The following NSD1 variants were observed in gnomAD, a reference collection of about 807,000 sequenced individuals.
NSD1 encodes the protein nuclear receptor binding SET domain protein 1.
In NSD1, 26 loss-of-function variants were observed where a neutral mutation model predicts 242.7. The ratio of observed to expected loss-of-function variants is 0.11; its 90% confidence interval spans 0.08 to 0.15. The LOEUF (loss-of-function observed/expected upper bound fraction) is 0.15, where lower values mean the gene tolerates loss of function less well. Among genes scored for constraint, NSD1 ranks in the 10% least tolerant of loss-of-function variants. The pLI is 1.00. For missense variants in NSD1, 2,495 were observed against 3,272.8 expected, an observed-to-expected ratio of 0.76 and a Z score of 5.80; for synonymous variants, 1,106 against 1,178.1, an observed-to-expected ratio of 0.94 and a Z score of 1.25.
chr5:177,281,271 G>A (rs1484022277), intron 18 of NSD1, among the ~76,000 whole-genome samples: 1 of 151,634 alleles, frequency 6.6e-6, no homozygotes, highest in Non-Finnish European at 1.5e-5. Context: ...ATGCAGTCAT[G>A]TCTTCAACTT....
chr5:177,166,112 A>G (rs1281022169), intron 2 of NSD1, among the ~76,000 whole-genome samples: 1 of 149,792 alleles, frequency 6.7e-6, no homozygotes. Context: ...ATGGGGTTTC[A>G]CCATATTGGC....
In NSD1 at chr5:177,294,395, C is replaced by T; in HGVS notation, c.7027C>T (p.Pro2343Ser). Residue 2343 changes from proline (P) to serine (S), a missense_variant, in exon 23 of 23, where the codon CCC (proline) becomes TCC (serine). Physicochemically the swap from Pro to Ser is moderately conservative, Grantham distance 74. Transcript: ENST00000439151. Reference protein sequence around the residue: ...PSPVTSPSSSPSVRSQPLERP... With the variant: ...PSPVTSPSSSSSVRSQPLERP... ...TCCAGTGACCAGCCCAAGCTCCTCA[C>T]CCTCAGTCAGGTCCCAACCACTGGA... 1 of 1,614,226 alleles carries T rather than the reference C, an allele frequency of 6.2e-7. No homozygotes were observed. Among genetic ancestry groups the T allele is most frequent in the Non-Finnish European group, 8.5e-7 (1 of 1,180,038 alleles).
At chr5:177,264,028 A>ATTTTTTTTTTTGTTTTTTTTTT (rs1757205738) in intron 14 of NSD1, among the ~76,000 whole-genome samples, 1 of 76,394 alleles carries the variant, frequency 1.3e-5, no homozygotes, top group Non-Finnish European at 2.5e-5. Flanking sequence ...CAATGAACCA[A>ATTTTTTTTTTTGTTTTTTTTTT]TTTTTTTTTT....
rs770607654 is a variant in NSD1, at chr5:177,191,907, G to A, written c.951G>A (p.Thr317=). Residue 317 remains threonine (T), a synonymous_variant, in exon 3 of 23, where the codon ACG becomes ACA. Transcript: ENST00000439151. ...LPFCQPKKKS[T]PLKYEVGDLI... ...AGTGTCAACCTAAGAAAAAGTCTACGCCACTGAAGTATGAAGTTGGAGATC... is the reference window on the plus strand; with the variant it reads ...AGTGTCAACCTAAGAAAAAGTCTACACCACTGAAGTATGAAGTTGGAGATC... 6 of 1,614,016 alleles carry A rather than the reference G, an allele frequency of 3.7e-6. No homozygotes were observed. The Admixed American group carries it at 6.7e-5, about 18-fold the overall frequency.
chr5:177,231,133 T>C (rs112495074), intron 5 of NSD1, among the ~76,000 whole-genome samples: 2,106 of 152,358 alleles, frequency 0.014, 30 homozygotes, highest in Middle Eastern at 0.061. Context: ...TTGTCCAGGC[T>C]GGAGTGCAGT....
At chr5:177,228,885 G>A (rs1562234807) in intron 5 of NSD1, among the ~76,000 whole-genome samples, 2 of 151,580 alleles carry the variant, frequency 1.3e-5, no homozygotes, top group East Asian at 1.9e-4. Flanking sequence ...AATCCATTTC[G>A]GAGCATTTCT....
rs1393651252 is a variant in NSD1, at chr5:177,210,980, T to C, written c.2581T>C (p.Leu861=). 1 of 1,614,156 alleles carries C rather than the reference T, an allele frequency of 6.2e-7. No individual in the cohort carries two copies. Among genetic ancestry groups the C allele is most frequent in the East Asian group, 2.2e-5 (1 of 44,882 alleles). Residue 861 remains leucine (L), a synonymous_variant, in exon 5 of 23, where the codon TTA becomes CTA. Transcript: ENST00000439151. The part of the protein sequence containing the change: ...DIETAVVKHV[L]SELKELSYRS... ...AGAAACAGCAGTGGTGAAACATGTTTTATCCGAGTTGAAGGAACTCTCTTA... is the reference window on the plus strand; with the variant it reads ...AGAAACAGCAGTGGTGAAACATGTTCTATCCGAGTTGAAGGAACTCTCTTA...
intron 19 of NSD1, 40 bp from the exon 20 acceptor site, chr5:177,283,747 T>C: frequency 6.2e-7 from 1 of 1,610,274 alleles, no homozygotes; most frequent in Non-Finnish European, 8.5e-7. Flanking sequence ...ACAGCAGAGG[T>C]CTCAGGAAGT....
rs150492535 is a variant in NSD1 at position 177,207,593 on chromosome 5, A to ATTTTTTTTTTTTTTTTTTTTTTTT, written c.1237-2037_1237-2014dup. Among the ~76,000 whole-genome samples, 9 of 78,218 alleles carry ATTTTTTTTTTTTTTTTTTTTTTTT rather than the reference A, an allele frequency of 1.2e-4. 3 individuals are homozygous for ATTTTTTTTTTTTTTTTTTTTTTTT. The highest frequency in any genetic ancestry group is 6.4e-4 in the African/African-American group (9 of 14,166). The allele number at this position is 78,218 out of a possible 152,430, so 51.3% of individuals were successfully genotyped here. On this transcript the variant is annotated intron_variant, in intron 4 of 22. Transcript: ENST00000439151. ...CACCGTGCCTGGCCTATTTATTTAA[A>ATTTTTTTTTTTTTTTTTTTTTTTT]TTTTTTTTTTTTTTTTTTTTTTTTT...
intron 21 of NSD1, among the ~76,000 whole-genome samples, chr5:177,290,635 C>T (rs1377475670): frequency 6.7e-6 from 1 of 149,486 alleles, no homozygotes; most frequent in African/African-American, 2.6e-5. Flanking sequence ...TCTCAAACTC[C>T]TGACCTCAGG....
chr5:177,243,291 TCTC>T (rs1223946916), intron 8 of NSD1, among the ~76,000 whole-genome samples: 2 of 152,158 alleles, frequency 1.3e-5, no homozygotes, highest in Admixed American at 6.5e-5. Flanking sequence ...TTCAAACAGT[TCTC>T]CTGCTTCAGC....
At position 177,294,173 on chromosome 5, in the gene NSD1, C is replaced by G; in HGVS notation, c.6805C>G (p.Leu2269Val). Residue 2269 changes from leucine (L) to valine (V), a missense_variant, in exon 23 of 23, where the codon CTG (leucine) becomes GTG (valine). Coordinates refer to ENST00000439151, the MANE Select transcript of NSD1 (RefSeq NM_022455.5). ...NQMLSLSKKA[L>V]AGTCQRPLLP... Reference sequence around the variant, plus strand: ...GATGCTGTCGCTCTCCAAAAAAGCTCTGGCAGGGACTTGTCAGAGGCCATT... The same window carrying G: ...GATGCTGTCGCTCTCCAAAAAAGCTGTGGCAGGGACTTGTCAGAGGCCATT... 2 of 1,614,216 alleles carry G rather than the reference C, an allele frequency of 1.2e-6. No homozygotes were observed. The highest frequency in any genetic ancestry group is 1.7e-6 in the Non-Finnish European group (2 of 1,180,036).
chr5:177,164,149 C>CTTTTTTTT (rs56076836), intron 2 of NSD1, among the ~76,000 whole-genome samples: 8 of 138,392 alleles, frequency 5.8e-5, no homozygotes, highest in Non-Finnish European at 7.6e-5. Context: ...AAAATGTAAC[C>CTTTTTTTT]TTTTTTTTTT....
At chr5:177,227,062 A>G (rs1248054490) in intron 5 of NSD1, among the ~76,000 whole-genome samples, 1 of 152,224 alleles carries the variant, frequency 6.6e-6, no homozygotes, top group Non-Finnish European at 1.5e-5. Flanking sequence ...CCCGTTAGAG[A>G]TACATGATGA....
chr5:177,135,289 A>G lies in NSD1; in HGVS notation c.186A>G (p.Gly62=). Residue 62 remains glycine (G), a synonymous_variant, in exon 2 of 23, where the codon GGA becomes GGG. Coordinates refer to ENST00000439151, the MANE Select transcript of NSD1 (RefSeq NM_022455.5). ...GTGGAACATCCCAAAATGCTTATGGACAAGATTCTCCATCTTGTTACATTC... is the reference window on the plus strand; with the variant it reads ...GTGGAACATCCCAAAATGCTTATGGGCAAGATTCTCCATCTTGTTACATTC... ...TVSGTSQNAY[G]QDSPSCYIPL... 6.2e-7 allele frequency: 1 copy of G among 1,613,614 alleles called. No individual in the cohort carries two copies. Among genetic ancestry groups the G allele is most frequent in the Non-Finnish European group, 8.5e-7 (1 of 1,179,546 alleles).
At chr5:177,289,780 A>C (rs1759630053) in intron 21 of NSD1, among the ~76,000 whole-genome samples, 1 of 151,626 alleles carries the variant, frequency 6.6e-6, no homozygotes, top group Non-Finnish European at 1.5e-5. Context: ...GTAACTGTTA[A>C]GTATCATTTC....
intron 4 of NSD1, among the ~76,000 whole-genome samples, chr5:177,205,098 A>G (rs1330027902): frequency 6.6e-6 from 1 of 152,018 alleles, no homozygotes; most frequent in Non-Finnish European, 1.5e-5. Flanking sequence ...GTGCAGTGGC[A>G]CACTCTTGGC....
chr5:177,137,462 C>G (rs1756434440), intron 2 of NSD1: 1 of 152,040 alleles, frequency 6.6e-6, no homozygotes, highest in Non-Finnish European at 1.5e-5. Context: ...ACTTTTGTTT[C>G]TGTTGATTTG....
intron 5 of NSD1, among the ~76,000 whole-genome samples, chr5:177,221,301 G>GTT (rs368752639): frequency 3.7e-4 from 52 of 138,876 alleles, no homozygotes; most frequent in African/African-American, 1.1e-3. Context: ...CTTGTTTTTT[G>GTT]TTTTTTTTTT....
Sources: allele counts gnomAD v4.1 joint callset (sites outside exome capture counted in the v4.1 genomes callset), GRCh38; gene constraint gnomAD v4.1.1; transcripts MANE v1.5; gene names NCBI Gene and HGNC (gene_info 2026-07-23, HGNC 2026-07-21).